The following TTC28 variants were observed in gnomAD, a reference collection of about 807,000 sequenced individuals.
TTC28 encodes the protein tetratricopeptide repeat protein 28.
TTC28 carries 61 observed loss-of-function variants against 198.0 expected under a neutral mutation model. That is an observed-to-expected ratio of 0.31 (90% CI 0.25 to 0.38). TTC28 has a LOEUF of 0.38. Ranked by LOEUF, TTC28 falls within the 10% of genes least tolerant of loss-of-function variation. The probability of loss-of-function intolerance (pLI) is 1.00; values close to 1 mark genes in which losing one functional copy is unlikely to be tolerated. For missense variants in TTC28, 2,678 were observed against 3,164.0 expected, an observed-to-expected ratio of 0.85 and a Z score of 3.69; for synonymous variants, 1,171 against 1,297.8, an observed-to-expected ratio of 0.90 and a Z score of 2.10.
At chr22:28,008,960 A>G (rs1938029562) in intron 14 of TTC28, among the ~76,000 whole-genome samples, 1 of 152,166 alleles carries the variant, frequency 6.6e-6, no homozygotes. Flanking sequence ...ACTATCCTTC[A>G]CTCTAATTTG....
chr22:28,635,317 T>C (rs764283863), intron 1 of TTC28, among the ~76,000 whole-genome samples: 1 of 152,074 alleles, frequency 6.6e-6, no homozygotes, highest in East Asian at 1.9e-4. Context: ...CAAGACTCCG[T>C]CTCAAAAAAA....
intron 5 of TTC28, among the ~76,000 whole-genome samples, chr22:28,200,055 A>G (rs558614551): frequency 1.3e-5 from 2 of 152,136 alleles, no homozygotes; most frequent in South Asian, 4.1e-4. Context: ...TGTTTAAGAA[A>G]ATTAAAAAGA....
chr22:28,415,865 T>C (rs1384648082), intron 2 of TTC28, among the ~76,000 whole-genome samples: 1 of 152,212 alleles, frequency 6.6e-6, no homozygotes, highest in Non-Finnish European at 1.5e-5. Flanking sequence ...ACCCAAATAA[T>C]GATATAACTT....
chr22:28,454,727 T>G (rs952973693), intron 2 of TTC28, among the ~76,000 whole-genome samples: 12 of 152,212 alleles, frequency 7.9e-5, no homozygotes, highest in African/African-American at 2.9e-4. Context: ...TTAGATAGTT[T>G]AACAAATAAA....
intron 2 of TTC28, among the ~76,000 whole-genome samples, chr22:28,541,689 C>G (rs1411493008): frequency 6.6e-6 from 1 of 151,444 alleles, no homozygotes; most frequent in Non-Finnish European, 1.5e-5. Flanking sequence ...GTTATTGTAA[C>G]TATGTTCAAG....
At chr22:28,612,368 A>G (rs866286908) in intron 2 of TTC28, among the ~76,000 whole-genome samples, 1 of 152,216 alleles carries the variant, frequency 6.6e-6, no homozygotes, top group African/African-American at 2.4e-5. Flanking sequence ...CTCCCACACA[A>G]TAAAAGTGAG....
chr22:28,345,279 G>A (rs2045887917), intron 2 of TTC28, among the ~76,000 whole-genome samples: 3 of 152,070 alleles, frequency 2.0e-5, no homozygotes, highest in Non-Finnish European at 4.4e-5. Context: ...CTAGTTAATA[G>A]AACATCCAAA....
chr22:27,982,261 A>T lies in TTC28; in HGVS notation c.7406T>A (p.Phe2469Tyr). The T allele has an allele frequency of 2.7e-6, 4 of 1,471,210 alleles. No homozygotes were observed. In the South Asian group the frequency reaches 5.7e-5, roughly 21 times the overall value. 91.1% of individuals were successfully genotyped at this position (1,471,210 alleles called of 1,614,324 possible). A position where few individuals can be genotyped will look rare whatever the true frequency, so the allele number is the denominator to read the frequency against. ...LRLPSGNGYK[F>Y]LSPGRFFPSS... is the part of the protein sequence containing the mutation. ...AGGGAAAAATCTTCCTGGAGACAGG[A>T]ACTTGTAGCCATTTCCAGAAGGAAG... The change falls in exon 23 of 23, where the codon TTC becomes TAC. Residue 2469 changes from phenylalanine (F) to tyrosine (Y), a missense_variant. Around this residue, in one of 8 missense-constraint regions of TTC28, gnomAD observed 622 missense variants for 656.0 expected, o/e 0.95. Transcript: ENST00000397906. This position sits in a 1 kb window ranked among gnomAD's most constrained non-coding sequence, Gnocchi z 5.2.
At chr22:28,204,665 A>C (rs1211828363) in intron 5 of TTC28, among the ~76,000 whole-genome samples, 2 of 152,108 alleles carry the variant, frequency 1.3e-5, no homozygotes, top group African/African-American at 4.8e-5. Flanking sequence ...ACACACAGCC[A>C]AACAGTAATT....
At chr22:28,648,759 A>C (rs1322565319) in intron 1 of TTC28, among the ~76,000 whole-genome samples, 1 of 152,106 alleles carries the variant, frequency 6.6e-6, no homozygotes, top group Non-Finnish European at 1.5e-5. Context: ...AAATACAAAA[A>C]TTAGCTGGGC....
At chr22:28,383,925 A>G (rs2046534254) in intron 2 of TTC28, among the ~76,000 whole-genome samples, 1 of 152,196 alleles carries the variant, frequency 6.6e-6, no homozygotes, top group African/African-American at 2.4e-5. Context: ...AGTCTTTACC[A>G]TGGCCTTCAA....
chr22:28,503,524 G>C (rs1197993546), intron 2 of TTC28, among the ~76,000 whole-genome samples: 2 of 152,064 alleles, frequency 1.3e-5, no homozygotes, highest in Admixed American at 6.6e-5. Flanking sequence ...ATGTCATTAG[G>C]CTTCAGTTTC....
At chr22:28,607,195 T>C (rs1382884493) in intron 2 of TTC28, among the ~76,000 whole-genome samples, 1 of 152,196 alleles carries the variant, frequency 6.6e-6, no homozygotes, top group Non-Finnish European at 1.5e-5. Context: ...AAACCTAGCA[T>C]AAAAATGCTC....
intron 8 of TTC28, among the ~76,000 whole-genome samples, chr22:28,101,850 A>G (rs1942166824): frequency 6.6e-6 from 1 of 150,482 alleles, no homozygotes; most frequent in Non-Finnish European, 1.5e-5. Context: ...TGAGGACAAG[A>G]GCTGAATCAG....
intron 19 of TTC28, 137 bp downstream of exon 19, chr22:27,992,450 C>T (rs1257323654): frequency 1.1e-6 from 1 of 880,142 alleles, no homozygotes; most frequent in African/African-American, 1.7e-5. Context: ...TTACTCCCGG[C>T]CCTCACCTTC....
intron 6 of TTC28, among the ~76,000 whole-genome samples, chr22:28,116,190 G>A (rs944795936): frequency 7.2e-5 from 11 of 152,084 alleles, no homozygotes; most frequent in African/African-American, 2.4e-4. Flanking sequence ...GAGCAGTGAC[G>A]AGCCCACTGG....
chr22:27,984,439 C>T (rs1351214595), intron 22 of TTC28, among the ~76,000 whole-genome samples: 1 of 152,070 alleles, frequency 6.6e-6, no homozygotes, highest in Non-Finnish European at 1.5e-5. Flanking sequence ...ACCCTGCCCT[C>T]ACCACCCCCT....
In TTC28 at chr22:28,601,535, G is replaced by A. The variant is rs544305221; in HGVS notation, c.381+28017C>T. On this transcript the variant is annotated intron_variant, in intron 2 of 22. Coordinates refer to ENST00000397906, the MANE Select transcript of TTC28 (RefSeq NM_001145418.2). ...TGTATTAAATATTATAAGTAGTCTA[G>A]AGATGATTTAAAGTTTGTGGGAAGA... Among the ~76,000 whole-genome samples the A allele has an allele frequency of 2.6e-5, 4 of 152,240 alleles. No homozygotes were observed. In the South Asian group the frequency reaches 8.3e-4, roughly 32 times the overall value.
intron 2 of TTC28, among the ~76,000 whole-genome samples, chr22:28,369,697 CAGA>C (rs544474660): frequency 2.9e-3 from 445 of 152,170 alleles, no homozygotes; most frequent in Non-Finnish European, 4.2e-3. Flanking sequence ...TAAACGTTTA[CAGA>C]AGTAAACAAA....
Sources: allele counts gnomAD v4.1 joint callset (sites outside exome capture counted in the v4.1 genomes callset), GRCh38; gene constraint gnomAD v4.1.1; regional missense constraint gnomAD v4.1.1; non-coding constraint Gnocchi (gnomAD v3.1); transcripts MANE v1.5; gene names NCBI Gene and HGNC (gene_info 2026-07-23, HGNC 2026-07-21).